The following CISD2 variants were observed in gnomAD, a reference collection of about 807,000 sequenced individuals.
CISD2 encodes CDGSH iron-sulfur domain-containing protein 2.
A neutral mutation model predicts 12.9 loss-of-function variants in CISD2; 1 was observed. That is an observed-to-expected ratio of 0.08 (90% CI 0.03 to 0.37). The LOEUF is 0.37. Among genes scored for constraint, CISD2 ranks in the 10% least tolerant of loss-of-function variants. The probability of loss-of-function intolerance (pLI) is 0.99; values close to 1 mark genes in which losing one functional copy is unlikely to be tolerated. For synonymous variants in CISD2, 50 were observed against 60.6 expected, an observed-to-expected ratio of 0.83 and a Z score of 0.81; for missense variants, 97 against 163.1, an observed-to-expected ratio of 0.59 and a Z score of 2.21.
chr4:102,885,667 T>C (rs1733871249), intron 2 of CISD2, among the ~76,000 whole-genome samples: 1 of 152,222 alleles, frequency 6.6e-6, no homozygotes, highest in Admixed American at 6.5e-5. Context: ...GGCATTTATG[T>C]AGAGTAACAT....
intron 1 of CISD2, among the ~76,000 whole-genome samples, chr4:102,879,968 G>A (rs1733677221): frequency 6.6e-6 from 1 of 151,558 alleles, no homozygotes; most frequent in African/African-American, 2.4e-5. Context: ...TTGAGATAGA[G>A]TCTCTTCTCT....
Position 102,887,543 on chromosome 4 carries a change from T to C in CISD2, c.*113T>C, listed in dbSNP as rs1323380722. 6 of 604,896 alleles carry C rather than the reference T, an allele frequency of 9.9e-6. No homozygotes were observed. In the African/African-American group the frequency reaches 1.1e-4, roughly 11 times the overall value. The allele number at this position is 604,896 out of a possible 1,614,324, so 37.5% of individuals were successfully genotyped here. On this transcript the variant is annotated 3_prime_UTR_variant, in exon 3 of 3. Transcript: ENST00000273986. ...CTTCCAATTTATTTTCTTCCTGCACTACTGTTTGTATTTGATCCTTTGTCT... is the reference window on the plus strand; with the variant it reads ...CTTCCAATTTATTTTCTTCCTGCACCACTGTTTGTATTTGATCCTTTGTCT...
chr4:102,876,563 CA>C (rs1170487469), intron 1 of CISD2, among the ~76,000 whole-genome samples: 1 of 152,114 alleles, frequency 6.6e-6, no homozygotes, highest in African/African-American at 2.4e-5. Flanking sequence ...TCCTGGTCAA[CA>C]TGGTGAAACC....
Position 102,887,586 on chromosome 4 carries a change from GA to G in CISD2, c.*159del. The stretch of plus-strand genomic sequence containing the variant: ...CTTTGTCTATTCAGTCACTTAATTA[GA>G]AATTAAATTGTCAAGCCTCTTATTC... On this transcript the variant is annotated 3_prime_UTR_variant, in exon 3 of 3. Transcript: ENST00000273986. The G allele has an allele frequency of 3.9e-6, 2 of 514,582 alleles. No homozygotes were observed. Among genetic ancestry groups the G allele is most frequent in the Non-Finnish European group, 3.5e-6 (1 of 286,292 alleles). 31.9% of individuals were successfully genotyped at this position (514,582 alleles called of 1,614,324 possible). A position where few individuals can be genotyped will look rare whatever the true frequency, so the allele number is the denominator to read the frequency against.
chr4:102,876,077 CTTGT>C (rs1367155865), intron 1 of CISD2, among the ~76,000 whole-genome samples: 3 of 152,100 alleles, frequency 2.0e-5, no homozygotes, highest in Non-Finnish European at 4.4e-5. Context: ...CTGTGATCAT[CTTGT>C]TTATTTGTTC....
At position 102,891,977 on chromosome 4, in the gene CISD2, T is replaced by C. The variant is rs1160355252; in HGVS notation, c.*4547T>C. ...TTTAACTATGCTTCATCATCTGAGG[T>C]TGTGTTAACATAGTTTGTCCTAATA... On this transcript the variant is annotated 3_prime_UTR_variant, in exon 3 of 3. Transcript: ENST00000273986. 6.6e-6 allele frequency: 1 copy of C among 152,200 alleles called. No homozygotes were observed. The highest frequency in any genetic ancestry group is 1.5e-5 in the Non-Finnish European group (1 of 68,036). 9.4% of individuals were successfully genotyped at this position (152,200 alleles called of 1,614,324 possible).
chr4:102,890,847 A>AAAAAAAAAAAAAT lies in CISD2; in HGVS notation c.*3423_*3424insAAAAAATAAAAAA, dbSNP rs1336576815. The AAAAAAAAAAAAAT allele has an allele frequency of 1.4e-5, 2 of 148,114 alleles. No individual in the cohort carries two copies. Among genetic ancestry groups the AAAAAAAAAAAAAT allele is most frequent in the Admixed American group, 6.7e-5 (1 of 14,930 alleles). 9.2% of individuals were successfully genotyped at this position (148,114 alleles called of 1,614,324 possible). ...AGAAGTGAAACCCTATCTTAAAAAA[A>AAAAAAAAAAAAAT]AAAAAAGTCTTTTTTTTTTTTCATC... On this transcript the variant is annotated 3_prime_UTR_variant, in exon 3 of 3. Coordinates refer to ENST00000273986, the MANE Select transcript of CISD2 (RefSeq NM_001008388.5).
intron 1 of CISD2, among the ~76,000 whole-genome samples, chr4:102,874,970 A>G (rs17033367): frequency 0.018 from 2,800 of 152,292 alleles, 81 homozygotes; most frequent in African/African-American, 0.061. Context: ...TAGGTGAACA[A>G]TTTCCTAGTT....
At position 102,869,080 on chromosome 4, in the gene CISD2, C is replaced by T. The variant is rs374131019; in HGVS notation, c.-5C>T. The T allele has an allele frequency of 2.1e-5, 33 of 1,608,086 alleles. No individual in the cohort carries two copies. Among genetic ancestry groups the T allele is most frequent in the Middle Eastern group, 3.3e-4 (2 of 6,000 alleles). On this transcript the variant is annotated 5_prime_UTR_variant, in exon 1 of 3. Transcript: ENST00000273986. ...TCGGGAGAGGAGTGGACGCCGCTGG[C>T]CAGGATGGTGCTGGAGAGCGTGGCC...
At chr4:102,883,276 A>C (rs1257371560) in intron 1 of CISD2, among the ~76,000 whole-genome samples, 2 of 152,114 alleles carry the variant, frequency 1.3e-5, no homozygotes, top group African/African-American at 4.8e-5. Context: ...CTCCTGCCCT[A>C]AGTCACCCCA....
rs1420325760 is a variant in CISD2 at position 102,885,235 on chromosome 4, A to G, written c.123A>G (p.Leu41=). Residue 41 remains leucine (L), a synonymous_variant, in exon 2 of 3, where the codon TTA becomes TTG. Transcript: ENST00000273986. ...GTTTAGTTTCAGAATGGCTTCGGTT[A>G]TTGCCTTTCCTTGGTGTACTCGCAC... ...ARLTVSEWLR[L]LPFLGVLALL... The G allele has an allele frequency of 1.9e-6, 3 of 1,614,070 alleles. No homozygotes were observed. Among genetic ancestry groups the G allele is most frequent in the Admixed American group, 1.7e-5 (1 of 60,022 alleles).
chr4:102,886,578 G>A (rs1291504442), intron 2 of CISD2, among the ~76,000 whole-genome samples: 2 of 152,012 alleles, frequency 1.3e-5, no homozygotes, highest in African/African-American at 4.8e-5. Context: ...ATCTGGATGG[G>A]TTATGAGTGA....
At chr4:102,874,731 A>T (rs888627559) in intron 1 of CISD2, 22 of 152,218 alleles carry the variant, frequency 1.4e-4, no homozygotes, top group Non-Finnish European at 2.9e-5. Flanking sequence ...GCAAGCACGA[A>T]CACATTGTTC....
At chr4:102,873,339 C>G (rs1016830798) in intron 1 of CISD2, among the ~76,000 whole-genome samples, 1 of 151,980 alleles carries the variant, frequency 6.6e-6, no homozygotes. Flanking sequence ...ATGATCTCTA[C>G]CCACTCATTG....
At chr4:102,875,835 C>T (rs987224977) in intron 1 of CISD2, among the ~76,000 whole-genome samples, 7 of 152,196 alleles carry the variant, frequency 4.6e-5, no homozygotes, top group Admixed American at 4.6e-4. Flanking sequence ...ATTCGTTTCT[C>T]CCAGCAATCC....
chr4:102,874,761 T>G (rs1015698090), intron 1 of CISD2: 4 of 152,236 alleles, frequency 2.6e-5, no homozygotes, highest in Admixed American at 2.6e-4. Flanking sequence ...TAGGGAATCC[T>G]AGTAGAGACT....
intron 1 of CISD2, among the ~76,000 whole-genome samples, chr4:102,878,759 C>T (rs189657097): frequency 7.2e-5 from 11 of 152,342 alleles, no homozygotes; most frequent in East Asian, 3.9e-4. Context: ...TCTGAGCCCT[C>T]CAAAGTGTTC....
chr4:102,886,631 C>T (rs1220016287), intron 2 of CISD2, among the ~76,000 whole-genome samples: 5 of 151,758 alleles, frequency 3.3e-5, no homozygotes, highest in African/African-American at 9.7e-5. Context: ...TTTATTTTTG[C>T]GGGGGACAGA....
rs1214763222 is a variant in CISD2, at chr4:102,887,467, A to G, written c.*37A>G. On this transcript the variant is annotated 3_prime_UTR_variant, in exon 3 of 3. Coordinates refer to ENST00000273986, the MANE Select transcript of CISD2 (RefSeq NM_001008388.5). ...ATATTTTCTCATTCTTTGTGTATAGAAAATTTTAAAATGGTGGTCTTAATT... is the reference window on the plus strand; with the variant it reads ...ATATTTTCTCATTCTTTGTGTATAGGAAATTTTAAAATGGTGGTCTTAATT... 3 of 947,358 alleles carry G rather than the reference A, an allele frequency of 3.2e-6. No individual in the cohort carries two copies. The East Asian group carries it at 7.9e-5, about 25-fold the overall frequency. 58.7% of individuals were successfully genotyped at this position (947,358 alleles called of 1,614,324 possible). A position where few individuals can be genotyped will look rare whatever the true frequency, so the allele number is the denominator to read the frequency against.
Sources: gnomAD v4.1 joint callset for allele counts (sites outside exome capture counted in the v4.1 genomes callset) on GRCh38, gnomAD v4.1.1 for gene constraint, MANE v1.5 for transcripts, NCBI Gene and HGNC (gene_info 2026-07-23, HGNC 2026-07-21) for gene names.